The following GALNT17 variants were observed in gnomAD, a reference collection of about 807,000 sequenced individuals.
GALNT17 encodes UDP-GalNAc:polypeptide N-acetylgalactosaminyltransferase-like 3.
GALNT17 carries 29 observed loss-of-function variants against 63.7 expected under a neutral mutation model. The observed-to-expected ratio is 0.46, with a 90% CI of 0.34 to 0.62. GALNT17 has a LOEUF of 0.62. GALNT17 is among the 20% of genes least tolerant of loss of function. The probability of loss-of-function intolerance (pLI) is 0.01; values close to 1 mark genes in which losing one functional copy is unlikely to be tolerated. For missense variants in GALNT17, 603 were observed against 799.6 expected (o/e 0.75, Z 2.97); for synonymous variants, 305 against 318.3 (o/e 0.96, Z 0.45).
intron 6 of GALNT17, among the ~76,000 whole-genome samples, chr7:71,576,218 G>A (rs1196797104): frequency 6.6e-6 from 1 of 152,164 alleles, no homozygotes; most frequent in African/African-American, 2.4e-5. Context: ...AGGAAGACAA[G>A]GGAGACACAC....
chr7:71,301,380 T>A (rs1018834330), intron 1 of GALNT17, among the ~76,000 whole-genome samples: 2 of 147,178 alleles, frequency 1.4e-5, no homozygotes, highest in African/African-American at 2.5e-5. Context: ...TAATTATATA[T>A]AATAATATAT....
chr7:71,485,634 T>C (rs972660122), intron 5 of GALNT17, among the ~76,000 whole-genome samples: 17 of 152,188 alleles, frequency 1.1e-4, no homozygotes, highest in African/African-American at 3.9e-4. Context: ...ATCCACTGTA[T>C]CTATTCCAAT....
chr7:71,441,366 A>G (rs1209500949), intron 5 of GALNT17, among the ~76,000 whole-genome samples: 2 of 152,180 alleles, frequency 1.3e-5, no homozygotes, highest in African/African-American at 4.8e-5. Flanking sequence ...CCAATGAACT[A>G]TCTGCAGTAC....
intron 2 of GALNT17, among the ~76,000 whole-genome samples, chr7:71,337,078 TA>T (rs1255792417): frequency 2.6e-5 from 4 of 151,556 alleles, no homozygotes; most frequent in East Asian, 1.9e-4. Flanking sequence ...TTCCTTTTTC[TA>T]AAAAAAAATC....
intron 1 of GALNT17, among the ~76,000 whole-genome samples, chr7:71,330,502 A>G (rs531777109): frequency 9.8e-5 from 15 of 152,292 alleles, no homozygotes; most frequent in African/African-American, 3.6e-4. Context: ...AGCTCAAGCA[A>G]TCCTACCTCC....
chr7:71,392,623 A>G (rs569908181), intron 3 of GALNT17, among the ~76,000 whole-genome samples: 1 of 152,244 alleles, frequency 6.6e-6, no homozygotes, highest in South Asian at 2.1e-4. Context: ...TCCCATTTTA[A>G]TGGTTCACAT....
intron 9 of GALNT17, among the ~76,000 whole-genome samples, chr7:71,695,177 C>T (rs1791521423): frequency 6.6e-6 from 1 of 152,164 alleles, no homozygotes; most frequent in South Asian, 2.1e-4. Flanking sequence ...CATCCTGGTG[C>T]CCCACACCAA....
At chr7:71,188,057 A>G (rs968448385) in intron 1 of GALNT17, among the ~76,000 whole-genome samples, 1 of 152,192 alleles carries the variant, frequency 6.6e-6, no homozygotes, top group Non-Finnish European at 1.5e-5. Flanking sequence ...GAATGCCATT[A>G]ATTCATTCAT....
intron 6 of GALNT17, among the ~76,000 whole-genome samples, chr7:71,601,966 A>T (rs1420628813): frequency 2.6e-5 from 4 of 152,142 alleles, no homozygotes; most frequent in African/African-American, 9.7e-5. Context: ...CTCTGGCTGC[A>T]CAGTGAGATG....
chr7:71,389,222 A>G (rs929162362), intron 3 of GALNT17, among the ~76,000 whole-genome samples: 20 of 151,240 alleles, frequency 1.3e-4, no homozygotes, highest in African/African-American at 3.9e-4. Flanking sequence ...CAACCTTCAC[A>G]TCTCAGGTTC....
rs59981146 is a variant in GALNT17, at chr7:71,615,468, CTTTTT to C, written c.1080+44088_1080+44092del. Among the ~76,000 whole-genome samples, 52 of 60,252 alleles carry C rather than the reference CTTTTT, an allele frequency of 8.6e-4. No homozygotes were observed. In the East Asian group the frequency reaches 0.019, roughly 23 times the overall value. The allele number at this position is 60,252 out of a possible 152,430, so 39.5% of individuals were successfully genotyped here. On this transcript the variant is annotated intron_variant, in intron 6 of 10. Coordinates refer to ENST00000333538, the MANE Select transcript of GALNT17 (RefSeq NM_022479.3). The stretch of plus-strand genomic sequence containing the variant: ...CTATCTGCACTTTAGGAGCAAAGCA[CTTTTT>C]TTTTTTTTTTTTTTTTTTTTTGAGA...
chr7:71,492,211 G>A (rs1788022755), intron 5 of GALNT17, among the ~76,000 whole-genome samples: 1 of 152,144 alleles, frequency 6.6e-6, no homozygotes, highest in African/African-American at 2.4e-5. Context: ...CCAGGGAGTC[G>A]GAGGTTGCAG....
chr7:71,562,054 C>T (rs1428612629), intron 5 of GALNT17, among the ~76,000 whole-genome samples: 3 of 152,054 alleles, frequency 2.0e-5, no homozygotes, highest in Non-Finnish European at 4.4e-5. Flanking sequence ...CTCCCAGGCT[C>T]AAGTGATTCT....
chr7:71,223,849 A>T (rs990343792), intron 1 of GALNT17, among the ~76,000 whole-genome samples: 1 of 152,174 alleles, frequency 6.6e-6, no homozygotes, highest in African/African-American at 2.4e-5. Context: ...TTACTAAAGG[A>T]TAATGGCCTT....
In GALNT17 at chr7:71,450,653, C is replaced by T. The variant is rs959280863; in HGVS notation, c.962+29548C>T. On this transcript the variant is annotated intron_variant, in intron 5 of 10. Coordinates refer to ENST00000333538, the MANE Select transcript of GALNT17 (RefSeq NM_022479.3). Reference sequence around the variant, plus strand: ...ATATGTGCTGCACCCTTAAAAGAAACGCCATTCTCATTTCCCTCTAACTCT... The same window carrying T: ...ATATGTGCTGCACCCTTAAAAGAAATGCCATTCTCATTTCCCTCTAACTCT... Among the ~76,000 whole-genome samples the T allele has an allele frequency of 9.9e-5, 15 of 152,268 alleles. No individual in the cohort carries two copies. In the East Asian group the frequency reaches 2.1e-3, roughly 22 times the overall value.
At chr7:71,433,224 C>G (rs945408322) in intron 5 of GALNT17, among the ~76,000 whole-genome samples, 1 of 152,154 alleles carries the variant, frequency 6.6e-6, no homozygotes, top group African/African-American at 2.4e-5. Context: ...ATAGAGGGCT[C>G]TAAAAACCAA....
At chr7:71,507,543 C>G (rs186716395) in intron 5 of GALNT17, among the ~76,000 whole-genome samples, 2 of 152,168 alleles carry the variant, frequency 1.3e-5, no homozygotes, top group South Asian at 4.1e-4. Flanking sequence ...ACCCTGGGTC[C>G]GCCTTTGACC....
rs994822292 is a variant in GALNT17 at position 71,533,089 on chromosome 7, T to C, written c.963-38196T>C. Among the ~76,000 whole-genome samples the C allele has an allele frequency of 5.3e-5, 8 of 152,294 alleles. No homozygotes were observed. In the East Asian group the frequency reaches 7.7e-4, roughly 15 times the overall value. On this transcript the variant is annotated intron_variant, in intron 5 of 10. Transcript: ENST00000333538. ...TAAAACTGTGAATTATCTAAGAGAATTGATCTTCACCACATGGCTTAAAAG... is the reference window on the plus strand; with the variant it reads ...TAAAACTGTGAATTATCTAAGAGAACTGATCTTCACCACATGGCTTAAAAG...
At chr7:71,441,943 A>G (rs183735411) in intron 5 of GALNT17, among the ~76,000 whole-genome samples, 82 of 151,768 alleles carry the variant, frequency 5.4e-4, no homozygotes, top group Non-Finnish European at 8.7e-4. Context: ...CAATAAACGT[A>G]TGTGTGTGTG....
Sources: allele counts gnomAD v4.1 joint callset (sites outside exome capture counted in the v4.1 genomes callset), GRCh38; gene constraint gnomAD v4.1.1; transcripts MANE v1.5; gene names NCBI Gene and HGNC (gene_info 2026-07-23, HGNC 2026-07-21).